The following PHLPP1 variants were observed in gnomAD, a reference collection of about 807,000 sequenced individuals.
PHLPP1 encodes PH domain and leucine rich repeat protein phosphatase 1, also known as PH domain leucine-rich repeat-containing protein phosphatase 1.
In PHLPP1, 42 loss-of-function variants were observed where a neutral mutation model predicts 117.2. That is an observed-to-expected ratio of 0.36 (90% CI 0.28 to 0.46). PHLPP1 has a LOEUF of 0.46. Ranked by LOEUF, PHLPP1 falls within the 20% of genes least tolerant of loss-of-function variation. The probability of loss-of-function intolerance (pLI) is 1.00; values close to 1 mark genes in which losing one functional copy is unlikely to be tolerated. For synonymous variants in PHLPP1, 1,042 were observed against 970.7 expected (o/e 1.07, Z -1.37); for missense variants, 2,084 against 2,241.9 (o/e 0.93, Z 1.42).
At chr18:62,830,952 C>T (rs1914741655) in intron 2 of PHLPP1, among the ~76,000 whole-genome samples, 1 of 152,094 alleles carries the variant, frequency 6.6e-6, no homozygotes, top group African/African-American at 2.4e-5. Context: ...CCACATTTTC[C>T]CCTATCTGTG....
At chr18:62,757,011 T>G (rs567728522) in intron 1 of PHLPP1, among the ~76,000 whole-genome samples, 7 of 152,352 alleles carry the variant, frequency 4.6e-5, no homozygotes, top group African/African-American at 1.7e-4. Flanking sequence ...TGCTAATTTT[T>G]GATGAGTGTA....
chr18:62,882,614 G>A (rs1006913791), intron 4 of PHLPP1, among the ~76,000 whole-genome samples: 1 of 152,072 alleles, frequency 6.6e-6, no homozygotes, highest in Non-Finnish European at 1.5e-5. Flanking sequence ...ATTTTTAAAA[G>A]TACTTTGATA....
intron 1 of PHLPP1, among the ~76,000 whole-genome samples, chr18:62,762,708 C>T (rs1287212475): frequency 6.6e-6 from 1 of 152,074 alleles, no homozygotes; most frequent in East Asian, 1.9e-4. Context: ...GCCACCATGC[C>T]CTACCTGTTC....
chr18:62,855,127 T>A (rs1364588309), intron 3 of PHLPP1, among the ~76,000 whole-genome samples: 2 of 152,212 alleles, frequency 1.3e-5, no homozygotes, highest in African/African-American at 4.8e-5. Context: ...ATATTGTATC[T>A]TAAGCTCTTG....
At chr18:62,915,971 G>A (rs1909258427) in intron 9 of PHLPP1, among the ~76,000 whole-genome samples, 2 of 152,146 alleles carry the variant, frequency 1.3e-5, no homozygotes, top group South Asian at 2.1e-4. Flanking sequence ...GCTATGTGTA[G>A]TCAGAAACAT....
chr18:62,766,076 A>AAAAT lies in PHLPP1; in HGVS notation c.1576+48818_1576+48819insAATA. Among the ~76,000 whole-genome samples the AAAAT allele has an allele frequency of 5.5e-4, 12 of 21,662 alleles. 1 individual carries two copies. The highest frequency in any genetic ancestry group is 4.6e-3 in the South Asian group (2 of 432). 14.2% of individuals were successfully genotyped at this position (21,662 alleles called of 152,430 possible). On this transcript the variant is annotated intron_variant, in intron 1 of 16. Coordinates refer to ENST00000262719, the MANE Select transcript of PHLPP1 (RefSeq NM_194449.4). ...ACTCCATCTCAAAAAAAAAAAAAAA[A>AAAAT]ATATATATATATATATATATATATA...
intron 12 of PHLPP1, among the ~76,000 whole-genome samples, chr18:62,950,442 G>A (rs944515081): frequency 6.6e-6 from 1 of 152,158 alleles, no homozygotes; most frequent in Non-Finnish European, 1.5e-5. Flanking sequence ...GCCAGACTTC[G>A]CTTGGCTGGA....
intron 4 of PHLPP1, among the ~76,000 whole-genome samples, chr18:62,863,271 G>A (rs749218985): frequency 1.3e-5 from 2 of 151,412 alleles, no homozygotes; most frequent in Non-Finnish European, 2.9e-5. Context: ...TGCAGTGGTG[G>A]CTCACAGCAA....
chr18:62,728,553 G>C (rs1161763849), intron 1 of PHLPP1, among the ~76,000 whole-genome samples: 1 of 151,192 alleles, frequency 6.6e-6, no homozygotes, highest in Non-Finnish European at 1.5e-5. Flanking sequence ...ACCCAGGCAG[G>C]AGTGCAGTGG....
intron 5 of PHLPP1, 25 bp downstream of exon 5, chr18:62,895,182 G>A (rs1916523986): frequency 1.2e-6 from 2 of 1,605,324 alleles, no homozygotes; most frequent in African/African-American, 1.3e-5. Context: ...CCCCACTGGC[G>A]GGTATATCCA....
At chr18:62,718,561 A>G (rs1182552004) in intron 1 of PHLPP1, among the ~76,000 whole-genome samples, 2 of 152,224 alleles carry the variant, frequency 1.3e-5, no homozygotes, top group African/African-American at 2.4e-5. Context: ...TTTACTTGTA[A>G]AGAAAACCAA....
At chr18:62,806,774 C>T (rs1913964034) in intron 1 of PHLPP1, among the ~76,000 whole-genome samples, 1 of 152,092 alleles carries the variant, frequency 6.6e-6, no homozygotes, top group Non-Finnish European at 1.5e-5. Flanking sequence ...AACTTTGTCT[C>T]AGATAGTATG....
chr18:62,804,823 T>C lies in PHLPP1; in HGVS notation c.1577-25212T>C, dbSNP rs575077653. On this transcript the variant is annotated intron_variant, in intron 1 of 16. Transcript: ENST00000262719. ...CATACACACAGTATAATATACACTG[T>C]ATATATTATACATATACAGTATAAT... is the stretch of plus-strand genomic sequence containing the variant. Among the ~76,000 whole-genome samples, 32 of 147,676 alleles carry C rather than the reference T, an allele frequency of 2.2e-4. 1 individual carries two copies. The South Asian group carries it at 6.5e-3, about 30-fold the overall frequency.
chr18:62,929,982 T>C (rs1366030618), intron 10 of PHLPP1, among the ~76,000 whole-genome samples: 1 of 151,586 alleles, frequency 6.6e-6, no homozygotes, highest in Non-Finnish European at 1.5e-5. Context: ...CGCTTAGAAA[T>C]GGGAAGAGAG....
At chr18:62,876,280 C>T (rs1243721905) in intron 4 of PHLPP1, among the ~76,000 whole-genome samples, 1 of 152,066 alleles carries the variant, frequency 6.6e-6, no homozygotes, top group African/African-American at 2.4e-5. Context: ...ATTCTCTTGC[C>T]ACTCATCTTG....
intron 12 of PHLPP1, among the ~76,000 whole-genome samples, chr18:62,956,631 A>T (rs762128277): frequency 6.6e-6 from 1 of 152,190 alleles, no homozygotes; most frequent in Non-Finnish European, 1.5e-5. Context: ...ATAAGGAAAA[A>T]AAAACAGAAT....
At chr18:62,904,038 T>C (rs942527287) in intron 7 of PHLPP1, among the ~76,000 whole-genome samples, 1 of 152,228 alleles carries the variant, frequency 6.6e-6, no homozygotes, top group Non-Finnish European at 1.5e-5. Context: ...GCACTTGTTT[T>C]ATGCATAGTG....
chr18:62,766,076 A>AAAAAAAAAAAAATAT, intron 1 of PHLPP1, among the ~76,000 whole-genome samples: 3 of 21,662 alleles, frequency 1.4e-4, no homozygotes, highest in Non-Finnish European at 2.5e-4. Flanking sequence ...AAAAAAAAAA[A>AAAAAAAAAAAAATAT]ATATATATAT....
chr18:62,791,434 A>G (rs550240220), intron 1 of PHLPP1, among the ~76,000 whole-genome samples: 6 of 152,318 alleles, frequency 3.9e-5, no homozygotes, highest in Admixed American at 6.5e-5. Flanking sequence ...AAGAATTGCC[A>G]TCAACCCCAA....
Sources: allele counts gnomAD v4.1 joint callset (sites outside exome capture counted in the v4.1 genomes callset), GRCh38; gene constraint gnomAD v4.1.1; transcripts MANE v1.5; gene names NCBI Gene and HGNC (gene_info 2026-07-23, HGNC 2026-07-21).